The following SOS1 variants were observed in gnomAD, a reference collection of about 807,000 sequenced individuals.
The protein encoded by SOS1 is SOS Ras/Rac guanine nucleotide exchange factor 1, also known as son of sevenless homolog 1.
In SOS1, 25 loss-of-function variants were observed where a neutral mutation model predicts 157.6. That is an observed-to-expected ratio of 0.16 (90% CI 0.12 to 0.22). SOS1 has a LOEUF of 0.22. Among genes scored for constraint, SOS1 ranks in the 10% least tolerant of loss-of-function variants. SOS1 has a pLI of 1.00. For synonymous variants in SOS1, 528 were observed against 534.0 expected, an observed-to-expected ratio of 0.99 and a Z score of 0.16; for missense variants, 1,237 against 1,599.1, an observed-to-expected ratio of 0.77 and a Z score of 3.86.
chr2:39,077,307 G>A (rs1388193889), intron 1 of SOS1, among the ~76,000 whole-genome samples: 124 of 129,174 alleles, frequency 9.6e-4, no homozygotes, highest in African/African-American at 3.4e-3. Context: ...GTGCCAGAGT[G>A]AGACTCCTTC....
At chr2:39,090,105 G>A (rs1176311169) in intron 1 of SOS1, among the ~76,000 whole-genome samples, 2 of 146,786 alleles carry the variant, frequency 1.4e-5, no homozygotes, top group African/African-American at 5.0e-5. Context: ...ACACCACTGC[G>A]CTCCAGTCTG....
chr2:38,991,126 A>C (rs898432331), intron 20 of SOS1, among the ~76,000 whole-genome samples: 4 of 151,974 alleles, frequency 2.6e-5, no homozygotes, highest in African/African-American at 9.7e-5. Flanking sequence ...TAAGCTCCTC[A>C]ACAGATGATA....
intron 1 of SOS1, among the ~76,000 whole-genome samples, chr2:39,078,184 A>G (rs930385181): frequency 5.9e-5 from 9 of 152,144 alleles, no homozygotes; most frequent in Non-Finnish European, 8.8e-5. Flanking sequence ...CTCAATCTCA[A>G]TCTCAATCTC....
chr2:39,049,950 A>G (rs1041499982), intron 6 of SOS1, among the ~76,000 whole-genome samples: 1 of 152,166 alleles, frequency 6.6e-6, no homozygotes, highest in African/African-American at 2.4e-5. Context: ...GAAACAATTC[A>G]TTGTCCTTAA....
At chr2:39,122,267 A>G (rs575137504), upstream of SOS1, among the ~76,000 whole-genome samples, 1 of 151,832 alleles carries the variant, frequency 6.6e-6, no homozygotes, top group East Asian at 2.0e-4. Flanking sequence ...CTGTCTCCAT[A>G]AGAAATACAA....
chr2:39,069,190 C>CAAAAAAAAAAAAAAAAAAAAAAAAAA (rs869178369), intron 1 of SOS1, among the ~76,000 whole-genome samples: 1 of 46,758 alleles, frequency 2.1e-5, no homozygotes, highest in African/African-American at 6.8e-5. Context: ...TACCAAAAAG[C>CAAAAAAAAAAAAAAAAAAAAAAAAAA]AAAAAAAAAA....
chr2:39,030,043 G>A (rs1379515134), intron 8 of SOS1, among the ~76,000 whole-genome samples: 4 of 151,944 alleles, frequency 2.6e-5, no homozygotes, highest in Non-Finnish European at 5.9e-5. Context: ...GTGGTGGCAT[G>A]TGCCTACGGT....
chr2:39,067,236 A>C (rs1324224984), intron 2 of SOS1, among the ~76,000 whole-genome samples: 2 of 151,136 alleles, frequency 1.3e-5, no homozygotes, highest in African/African-American at 2.4e-5. Context: ...CTGGTCTTGA[A>C]CTCCTGGGCT....
In SOS1 at chr2:39,083,261, G is replaced by C. The variant is rs1335339704; in HGVS notation, c.88-15508C>G. Among the ~76,000 whole-genome samples the C allele has an allele frequency of 2.0e-5, 3 of 152,084 alleles. No individual in the cohort carries two copies. In the East Asian group the frequency reaches 5.8e-4, roughly 29 times the overall value. On this transcript the variant is annotated intron_variant, in intron 1 of 22. Coordinates refer to ENST00000402219, the MANE Select transcript of SOS1 (RefSeq NM_005633.4). ...AGATAAAAATCTCCCAGTCCAAGGT[G>C]GACAGGAGCAATTTAAAGCAGAATG...
intron 1 of SOS1, among the ~76,000 whole-genome samples, chr2:39,073,652 T>C (rs929042184): frequency 1.3e-5 from 2 of 152,246 alleles, no homozygotes; most frequent in East Asian, 1.9e-4. Flanking sequence ...TTGGCTATTA[T>C]TGCCAGGTTT....
chr2:39,050,773 A>C (rs1485951472), intron 6 of SOS1, among the ~76,000 whole-genome samples: 1 of 152,222 alleles, frequency 6.6e-6, no homozygotes, highest in East Asian at 1.9e-4. Context: ...CACTGGTCAC[A>C]CAACTAATAA....
At chr2:39,115,346 T>C (rs1181277438) in intron 1 of SOS1, among the ~76,000 whole-genome samples, 1 of 151,768 alleles carries the variant, frequency 6.6e-6, no homozygotes, top group African/African-American at 2.4e-5. Context: ...CCTTCTTTCA[T>C]TGAGTATAAT....
chr2:38,994,235 T>TA (rs1477024209), intron 20 of SOS1, among the ~76,000 whole-genome samples: 2 of 152,216 alleles, frequency 1.3e-5, no homozygotes, highest in Non-Finnish European at 2.9e-5. Flanking sequence ...TAAAATGTAT[T>TA]AAAGTTATTT....
intron 6 of SOS1, among the ~76,000 whole-genome samples, chr2:39,045,623 A>G (rs1208128147): frequency 6.6e-6 from 1 of 152,106 alleles, no homozygotes; most frequent in Non-Finnish European, 1.5e-5. Context: ...TTATGTTATG[A>G]TATTTCATCC....
chr2:39,063,189 C>T (rs1671470564), intron 2 of SOS1, among the ~76,000 whole-genome samples: 1 of 151,966 alleles, frequency 6.6e-6, no homozygotes, highest in Admixed American at 6.6e-5. Flanking sequence ...CTGGCATGAT[C>T]ATAGCTTCCT....
intron 20 of SOS1, among the ~76,000 whole-genome samples, chr2:38,990,187 C>T (rs1190782047): frequency 8.1e-5 from 12 of 147,264 alleles, no homozygotes; most frequent in African/African-American, 3.0e-4. Context: ...TTTTTTTGCA[C>T]AATAGGCAAT....
At chr2:39,036,083 G>T (rs1670332820) in intron 6 of SOS1, among the ~76,000 whole-genome samples, 2 of 152,094 alleles carry the variant, frequency 1.3e-5, no homozygotes, top group Admixed American at 1.3e-4. Context: ...AAAAAGACCA[G>T]AATCTACTGG....
At chr2:39,012,963 C>T (rs1179657606) in intron 13 of SOS1, among the ~76,000 whole-genome samples, 3 of 152,032 alleles carry the variant, frequency 2.0e-5, no homozygotes, top group Non-Finnish European at 4.4e-5. Flanking sequence ...AGAAGGAAAA[C>T]CTTAGAGATC....
intron 1 of SOS1, among the ~76,000 whole-genome samples, chr2:39,106,290 T>C (rs970379500): frequency 7.9e-5 from 12 of 152,000 alleles, no homozygotes; most frequent in African/African-American, 2.9e-4. Context: ...AAAAAAACTT[T>C]CTTAAATAAC....
Sources: gnomAD v4.1 joint callset for allele counts (sites outside exome capture counted in the v4.1 genomes callset) on GRCh38, gnomAD v4.1.1 for gene constraint, MANE v1.5 for transcripts, NCBI Gene and HGNC (gene_info 2026-07-23, HGNC 2026-07-21) for gene names.